The following DACH1 variants were observed in gnomAD, a reference collection of about 807,000 sequenced individuals.
The protein encoded by DACH1 is dachshund homolog 1.
Under a neutral mutation model 54.2 loss-of-function variants are expected in DACH1, and 12 were observed. The ratio of observed to expected loss-of-function variants is 0.22; its 90% CI spans 0.14 to 0.36. DACH1 has a LOEUF of 0.36. Among genes scored for constraint, DACH1 ranks in the 10% least tolerant of loss-of-function variants. The pLI is 1.00. For synonymous variants in DACH1, 386 were observed against 366.2 expected (o/e 1.05, Z -0.62); for missense variants, 805 against 929.8 (o/e 0.87, Z 1.75).
At chr13:71,773,765 A>T (rs1032362916) in intron 1 of DACH1, among the ~76,000 whole-genome samples, 34 of 152,102 alleles carry the variant, frequency 2.2e-4, no homozygotes, top group African/African-American at 8.2e-4. Context: ...ATGTAATCAA[A>T]GACAAACAGC....
At chr13:71,588,394 C>G (rs138627971) in intron 3 of DACH1, among the ~76,000 whole-genome samples, 1 of 152,076 alleles carries the variant, frequency 6.6e-6, no homozygotes, top group Admixed American at 6.6e-5. Context: ...TTTGACCACA[C>G]ATAAACTCCT....
intron 1 of DACH1, among the ~76,000 whole-genome samples, chr13:71,694,352 G>A (rs1423522882): frequency 6.6e-6 from 1 of 152,094 alleles, no homozygotes; most frequent in African/African-American, 2.4e-5. Flanking sequence ...CCCCCGTGAG[G>A]ATTCCAGGCC....
At chr13:71,629,779 A>G (rs1368815919) in intron 3 of DACH1, among the ~76,000 whole-genome samples, 2 of 152,154 alleles carry the variant, frequency 1.3e-5, no homozygotes, top group African/African-American at 4.8e-5. Context: ...TTATATTTTG[A>G]GCATGGTCAC....
intron 1 of DACH1, among the ~76,000 whole-genome samples, chr13:71,816,235 G>T (rs1351201160): frequency 2.6e-5 from 4 of 152,064 alleles, no homozygotes; most frequent in African/African-American, 9.7e-5. Context: ...GGGTTTCTTT[G>T]GAAATGGCAC....
At chr13:71,642,735 C>T (rs941241828) in intron 2 of DACH1, among the ~76,000 whole-genome samples, 8 of 152,088 alleles carry the variant, frequency 5.3e-5, no homozygotes, top group Non-Finnish European at 2.9e-5. Flanking sequence ...AAATTACTAA[C>T]TCAGGCCGGG....
chr13:71,715,482 A>C (rs1240284641), intron 1 of DACH1, among the ~76,000 whole-genome samples: 1 of 152,052 alleles, frequency 6.6e-6, no homozygotes, highest in East Asian at 1.9e-4. Context: ...CCAACCTAAG[A>C]AGGCGGTTTC....
intron 1 of DACH1, among the ~76,000 whole-genome samples, chr13:71,832,223 A>C (rs1191217757): frequency 6.6e-6 from 1 of 151,994 alleles, no homozygotes; most frequent in Non-Finnish European, 1.5e-5. Context: ...AATGAAGTGG[A>C]TCTCTTATTG....
chr13:71,621,750 G>A (rs530520735), intron 3 of DACH1, among the ~76,000 whole-genome samples: 10 of 152,026 alleles, frequency 6.6e-5, no homozygotes, highest in Admixed American at 1.3e-4. Context: ...CATGGTCTGC[G>A]AGGCACTGCT....
intron 2 of DACH1, among the ~76,000 whole-genome samples, chr13:71,646,068 T>G (rs1878240901): frequency 6.6e-6 from 1 of 152,114 alleles, no homozygotes; most frequent in African/African-American, 2.4e-5. Flanking sequence ...CCAGGTGCGG[T>G]GGCTCATGCC....
chr13:71,750,044 G>C (rs1419808986), intron 1 of DACH1, among the ~76,000 whole-genome samples: 2 of 152,102 alleles, frequency 1.3e-5, no homozygotes, highest in South Asian at 2.1e-4. Context: ...TACTCTGTTG[G>C]GAATAAATAT....
intron 1 of DACH1, among the ~76,000 whole-genome samples, chr13:71,797,518 G>A (rs1159485219): frequency 1.3e-5 from 2 of 151,960 alleles, no homozygotes; most frequent in East Asian, 1.9e-4. Context: ...TGTTTTTGCC[G>A]AACAAAACCA....
intron 1 of DACH1, among the ~76,000 whole-genome samples, chr13:71,695,684 C>T (rs576473043): frequency 5.9e-5 from 9 of 152,296 alleles, no homozygotes; most frequent in African/African-American, 1.4e-4. Context: ...GAGGCCATTT[C>T]GGTAAATTCA....
chr13:71,526,697 T>C (rs1881983395), intron 6 of DACH1, among the ~76,000 whole-genome samples: 1 of 147,028 alleles, frequency 6.8e-6, no homozygotes, highest in South Asian at 2.5e-4. Context: ...TACATACATA[T>C]GTGTGTGTGT....
At chr13:71,506,935 C>T (rs527984540) in intron 6 of DACH1, among the ~76,000 whole-genome samples, 4 of 151,086 alleles carry the variant, frequency 2.6e-5, no homozygotes, top group Non-Finnish European at 5.9e-5. Flanking sequence ...AAACGTTAGA[C>T]CTAAAACCAT....
In DACH1 at chr13:71,776,069, G is replaced by A. The variant is rs543498636; in HGVS notation, c.848+89853C>T. Among the ~76,000 whole-genome samples the A allele has an allele frequency of 6.6e-5, 10 of 152,124 alleles. No homozygotes were observed. In the East Asian group the frequency reaches 7.7e-4, roughly 12 times the overall value. ...TTATCAAAAGTTATTCAGTAAAAGGGCGCAAAACAAAGCCAGTCACTCCAG... is the reference window on the plus strand; with the variant it reads ...TTATCAAAAGTTATTCAGTAAAAGGACGCAAAACAAAGCCAGTCACTCCAG... On this transcript the variant is annotated intron_variant, in intron 1 of 10. Coordinates refer to ENST00000613252, the MANE Select transcript of DACH1 (RefSeq NM_080759.6).
At chr13:71,864,168 C>A (rs77948410) in intron 1 of DACH1, among the ~76,000 whole-genome samples, 16,370 of 109,138 alleles carry the variant, frequency 0.15, 2,017 homozygotes, top group East Asian at 0.62. Flanking sequence ...CTTTTGAGCG[C>A]GCGCGCGCAC....
At chr13:71,748,491 T>C (rs1413071482) in intron 1 of DACH1, among the ~76,000 whole-genome samples, 1 of 152,204 alleles carries the variant, frequency 6.6e-6, no homozygotes. Flanking sequence ...GTCTGCTTGC[T>C]TCGCTAGAAT....
intron 1 of DACH1, among the ~76,000 whole-genome samples, chr13:71,748,014 G>A (rs1374882281): frequency 6.6e-6 from 1 of 152,134 alleles, no homozygotes; most frequent in East Asian, 1.9e-4. Flanking sequence ...GAGACCTTTG[G>A]GGGACAGCAT....
intron 1 of DACH1, among the ~76,000 whole-genome samples, chr13:71,788,279 G>A (rs907764438): frequency 1.3e-5 from 2 of 152,076 alleles, no homozygotes; most frequent in East Asian, 3.9e-4. Flanking sequence ...AAACAAAGAG[G>A]TGGGATTAGA....
Sources: allele counts gnomAD v4.1 joint callset (sites outside exome capture counted in the v4.1 genomes callset), GRCh38; gene constraint gnomAD v4.1.1; transcripts MANE v1.5; gene names NCBI Gene and HGNC (gene_info 2026-07-23, HGNC 2026-07-21).